The following ATP6V1E1 variants were observed in gnomAD, a reference collection of about 807,000 sequenced individuals.
ATP6V1E1 encodes ATPase H+ transporting V1 subunit E1.
In ATP6V1E1, 21 loss-of-function variants were observed where a neutral mutation model predicts 35.2. The observed-to-expected ratio is 0.60, with a 90% confidence interval of 0.42 to 0.86. ATP6V1E1 has a LOEUF of 0.86. Among genes scored for constraint, ATP6V1E1 ranks in the 40% least tolerant of loss-of-function variants. The pLI is 0.00. For synonymous variants in ATP6V1E1, 83 were observed against 87.8 expected (o/e 0.95, Z 0.30); for missense variants, 183 against 272.6 (o/e 0.67, Z 2.32).
intron 2 of ATP6V1E1, among the ~76,000 whole-genome samples, chr22:17,615,800 A>G (rs1479005325): frequency 6.6e-6 from 1 of 152,188 alleles, no homozygotes; most frequent in East Asian, 1.9e-4. Flanking sequence ...TGGGAGGCTG[A>G]GGTGGGCAGA....
In ATP6V1E1 at chr22:17,628,713, G is replaced by GTTC; in HGVS notation, c.-79_-78insGAA. The stretch of plus-strand genomic sequence containing the variant: ...GGTGAGGTGAGAGAAATCGGCAAAG[G>GTTC]GAACCCCTGCGCAGATCTCGGGTTC... On this transcript the variant is annotated 5_prime_UTR_variant, in exon 1 of 9. Coordinates refer to ENST00000253413, the MANE Select transcript of ATP6V1E1 (RefSeq NM_001696.4). 1 of 1,589,682 alleles carries GTTC rather than the reference G, an allele frequency of 6.3e-7. No homozygotes were observed.
intron 1 of ATP6V1E1, among the ~76,000 whole-genome samples, chr22:17,619,938 T>C (rs1383202651): frequency 6.6e-6 from 1 of 152,156 alleles, no homozygotes; most frequent in Admixed American, 6.6e-5. Context: ...TCCCTTTCTC[T>C]TCTCCACCTG....
chr22:17,612,786 AT>A lies in ATP6V1E1; in HGVS notation c.276+25del, dbSNP rs2057821678. 4 of 1,515,190 alleles carry A rather than the reference AT, an allele frequency of 2.6e-6. No homozygotes were observed. The African/African-American group carries it at 5.6e-5, about 21-fold the overall frequency. 93.9% of individuals were successfully genotyped at this position (1,515,190 alleles called of 1,614,324 possible). A position where few individuals can be genotyped will look rare whatever the true frequency, so the allele number is the denominator to read the frequency against. On this transcript the variant is annotated intron_variant, in intron 4 of 8. Coordinates refer to ENST00000253413, the MANE Select transcript of ATP6V1E1 (RefSeq NM_001696.4). ...AAATGAATAAACATGTAATAATTTT[AT>A]AACTAATAGGGGCTAATTACTCACT...
intron 7 of ATP6V1E1, among the ~76,000 whole-genome samples, chr22:17,595,554 G>A (rs1458148576): frequency 6.6e-6 from 1 of 152,202 alleles, no homozygotes; most frequent in Non-Finnish European, 1.5e-5. Context: ...TGCTGGCCGG[G>A]CGTGGTAGCT....
chr22:17,624,094 A>G (rs1051652013), intron 1 of ATP6V1E1, among the ~76,000 whole-genome samples: 8 of 152,212 alleles, frequency 5.3e-5, no homozygotes, highest in African/African-American at 1.4e-4. Context: ...TTTTCATGCA[A>G]TGGAGAAGTC....
chr22:17,613,070 A>G, intron 3 of ATP6V1E1, 141 bp downstream of exon 3: 1 of 908,840 alleles, frequency 1.1e-6, no homozygotes, highest in Non-Finnish European at 1.7e-6. Context: ...TCACAAATGA[A>G]GAAAGAGAAG....
chr22:17,616,897 A>G (rs1374492381), intron 2 of ATP6V1E1, among the ~76,000 whole-genome samples: 1 of 113,906 alleles, frequency 8.8e-6, no homozygotes, highest in Non-Finnish European at 1.9e-5. Context: ...AAATACAAAA[A>G]ATTAGCCGGG....
chr22:17,592,746 G>A lies in ATP6V1E1; in HGVS notation c.619-10C>T. 1.3e-6 allele frequency: 2 copies of A among 1,598,824 alleles called. No homozygotes were observed. Among genetic ancestry groups the A allele is most frequent in the East Asian group, 2.3e-5 (1 of 43,980 alleles). ...GGACTTCTGGCATCATCTGTGGAGA[G>A]AAAGTGTAATAAATACGCAATGTCA... On this transcript the variant is annotated splice_polypyrimidine_tract_variant and intron_variant, in intron 8 of 8. Coordinates refer to ENST00000253413, the MANE Select transcript of ATP6V1E1 (RefSeq NM_001696.4).
At chr22:17,605,685 A>C (rs1222590384) in intron 4 of ATP6V1E1, among the ~76,000 whole-genome samples, 1 of 126,334 alleles carries the variant, frequency 7.9e-6, no homozygotes, top group African/African-American at 3.1e-5. Context: ...CTTTAGGTAG[A>C]TGTTTCTCTT....
chr22:17,597,772 A>G (rs773155821), intron 7 of ATP6V1E1, among the ~76,000 whole-genome samples: 2 of 151,844 alleles, frequency 1.3e-5, no homozygotes, highest in Non-Finnish European at 2.9e-5. Flanking sequence ...CTGGGACTAC[A>G]GGCGTGCGCC....
At chr22:17,627,828 A>AG (rs2057925512) in intron 1 of ATP6V1E1, among the ~76,000 whole-genome samples, 2 of 149,542 alleles carry the variant, frequency 1.3e-5, no homozygotes, top group African/African-American at 4.9e-5. Context: ...CAAAAAAAAA[A>AG]AAAAGAAAAA....
At chr22:17,609,344 G>A (rs1413155029) in intron 4 of ATP6V1E1, among the ~76,000 whole-genome samples, 1 of 148,772 alleles carries the variant, frequency 6.7e-6, no homozygotes, top group African/African-American at 2.5e-5. Context: ...TGTATTTTTA[G>A]TAGAGACAGG....
chr22:17,594,514 T>C lies in ATP6V1E1; in HGVS notation c.618+15A>G, dbSNP rs76360481. On this transcript the variant is annotated intron_variant, in intron 8 of 8. Coordinates refer to ENST00000253413, the MANE Select transcript of ATP6V1E1 (RefSeq NM_001696.4). ...TAACAGCAGACCAACTACCAAGAAGTACCCCCACACTCACCTGCTGGGCTA... is the reference window on the plus strand; with the variant it reads ...TAACAGCAGACCAACTACCAAGAAGCACCCCCACACTCACCTGCTGGGCTA... The C allele has an allele frequency of 7.7e-3, 11,789 of 1,534,608 alleles. 819 individuals are homozygous for C. In the African/African-American group the frequency reaches 0.14, roughly 19 times the overall value.
chr22:17,598,050 G>A (rs1440094718), intron 7 of ATP6V1E1, 144 bp downstream of exon 7: 7 of 659,476 alleles, frequency 1.1e-5, no homozygotes, highest in East Asian at 5.2e-5. Context: ...CAACAGGAAC[G>A]GCTGCAAGTA....
intron 1 of ATP6V1E1, among the ~76,000 whole-genome samples, chr22:17,627,818 C>CAA (rs71201846): frequency 0.021 from 2,184 of 104,976 alleles, 22 homozygotes; most frequent in East Asian, 0.058. Flanking sequence ...GACTCCGTCT[C>CAA]AAAAAAAAAA....
At chr22:17,626,760 C>T (rs2057908083) in intron 1 of ATP6V1E1, among the ~76,000 whole-genome samples, 1 of 152,096 alleles carries the variant, frequency 6.6e-6, no homozygotes, top group Admixed American at 6.6e-5. Flanking sequence ...GAACTCCTGA[C>T]CGCAGGTGAT....
chr22:17,600,295 G>T lies in ATP6V1E1; in HGVS notation c.367-200C>A, dbSNP rs142085257. ...ACTAAAAATACAAAAAATTAGCCTG[G>T]AATGATGGTATGTGCCTATAATCCC... On this transcript the variant is annotated intron_variant, in intron 5 of 8. Transcript: ENST00000253413. Among the ~76,000 whole-genome samples, 788 of 152,138 alleles carry T rather than the reference G, an allele frequency of 5.2e-3. 4 individuals carry two copies. The highest frequency in any genetic ancestry group is 0.018 in the African/African-American group (742 of 41,508).
At chr22:17,592,864 G>A (rs183240512) in intron 8 of ATP6V1E1, 128 bp from the exon 9 acceptor site, 9,490 of 791,858 alleles carry the variant, frequency 0.012, 82 homozygotes, top group Non-Finnish European at 0.016. Context: ...GTGCAGTGGC[G>A]CATCTCCGCT....
At chr22:17,620,943 T>C (rs1679117059) in intron 1 of ATP6V1E1, among the ~76,000 whole-genome samples, 1 of 152,024 alleles carries the variant, frequency 6.6e-6, no homozygotes, top group Non-Finnish European at 1.5e-5. Flanking sequence ...GCGCCTGTAG[T>C]TCCAGCTACT....
Sources: gnomAD v4.1 joint callset for allele counts (sites outside exome capture counted in the v4.1 genomes callset) on GRCh38, gnomAD v4.1.1 for gene constraint, MANE v1.5 for transcripts, NCBI Gene and HGNC (gene_info 2026-07-23, HGNC 2026-07-21) for gene names.